Variants in HPSE2 observed in about 807,000 individuals in gnomAD.
HPSE2 encodes the protein inactive heparanase-2.
HPSE2 carries 38 observed loss-of-function variants against 60.5 expected under a neutral mutation model. That is an observed-to-expected ratio of 0.63 (90% CI 0.48 to 0.82). HPSE2 has a LOEUF of 0.82. Among genes scored for constraint, HPSE2 ranks in the 40% least tolerant of loss-of-function variants. HPSE2 has a pLI of 0.00. For missense variants in HPSE2, 713 were observed against 740.4 expected (o/e 0.96, Z 0.43); for synonymous variants, 295 against 293.2 (o/e 1.01, Z -0.06).
chr10:98,665,940 A>C (rs924372757), intron 6 of HPSE2, among the ~76,000 whole-genome samples: 2 of 152,180 alleles, frequency 1.3e-5, no homozygotes, highest in Non-Finnish European at 2.9e-5. Context: ...ATAAATACTA[A>C]CCCTGAATGT....
At chr10:99,160,848 G>A (rs1020624213) in intron 2 of HPSE2, among the ~76,000 whole-genome samples, 5 of 131,410 alleles carry the variant, frequency 3.8e-5, no homozygotes, top group Admixed American at 9.2e-5. Context: ...GCAGTGAGCC[G>A]AGATCCCGCC....
intron 3 of HPSE2, among the ~76,000 whole-genome samples, chr10:98,792,770 C>T (rs987044411): frequency 6.6e-6 from 1 of 152,076 alleles, no homozygotes; most frequent in African/African-American, 2.4e-5. Context: ...CTTGCATTAG[C>T]AAGTACACCA....
chr10:98,749,426 A>T (rs117745446), intron 3 of HPSE2, among the ~76,000 whole-genome samples: 3,719 of 151,788 alleles, frequency 0.025, 59 homozygotes, highest in Non-Finnish European at 0.034. Context: ...ATGCATATAT[A>T]TATCTGTTCT....
chr10:98,898,635 T>A (rs1953568274), intron 3 of HPSE2, among the ~76,000 whole-genome samples: 1 of 152,074 alleles, frequency 6.6e-6, no homozygotes, highest in South Asian at 2.1e-4. Context: ...ATTCTGTATA[T>A]TATAGCAGTA....
At chr10:98,612,997 G>A (rs953454429) in intron 9 of HPSE2, among the ~76,000 whole-genome samples, 2 of 152,050 alleles carry the variant, frequency 1.3e-5, no homozygotes, top group Admixed American at 1.3e-4. Flanking sequence ...TTCCTGCCTC[G>A]GAGCTTTTGT....
intron 2 of HPSE2, among the ~76,000 whole-genome samples, chr10:99,216,415 G>A (rs574016217): frequency 1.7e-4 from 26 of 152,032 alleles, no homozygotes; most frequent in African/African-American, 6.0e-4. Flanking sequence ...GGCTTGTCTC[G>A]AACTCTTGAC....
At chr10:98,888,595 G>A (rs973748643) in intron 3 of HPSE2, among the ~76,000 whole-genome samples, 1 of 152,134 alleles carries the variant, frequency 6.6e-6, no homozygotes, top group African/African-American at 2.4e-5. Flanking sequence ...TTTAGGGATT[G>A]TATAAGTGAA....
At chr10:99,115,155 G>GTTT (rs577271484) in intron 3 of HPSE2, among the ~76,000 whole-genome samples, 10 of 130,680 alleles carry the variant, frequency 7.7e-5, no homozygotes, top group South Asian at 2.5e-4. Flanking sequence ...AGCTAAATGT[G>GTTT]TTTTTTTTTT....
chr10:99,110,157 AG>A (rs1564815054), intron 3 of HPSE2, among the ~76,000 whole-genome samples: 1 of 152,138 alleles, frequency 6.6e-6, no homozygotes, highest in Non-Finnish European at 1.5e-5. Flanking sequence ...TAAAAGAAAA[AG>A]ACATGCTCTA....
At chr10:99,201,898 C>T (rs1848587140) in intron 2 of HPSE2, among the ~76,000 whole-genome samples, 1 of 152,106 alleles carries the variant, frequency 6.6e-6, no homozygotes, top group African/African-American at 2.4e-5. Context: ...AGAAGATGAA[C>T]ACGACGCCAT....
intron 3 of HPSE2, among the ~76,000 whole-genome samples, chr10:99,062,868 C>A (rs1842494250): frequency 6.6e-6 from 1 of 152,154 alleles, no homozygotes; most frequent in African/African-American, 2.4e-5. Context: ...ATTAGTCCTG[C>A]TTTAGGCACA....
chr10:99,150,855 A>G (rs879528755), intron 2 of HPSE2, among the ~76,000 whole-genome samples: 2 of 152,206 alleles, frequency 1.3e-5, no homozygotes, highest in Non-Finnish European at 2.9e-5. Context: ...AAAATGCCAC[A>G]AAACTTAATG....
At chr10:98,611,096 G>C (rs912330060) in intron 9 of HPSE2, among the ~76,000 whole-genome samples, 1 of 152,210 alleles carries the variant, frequency 6.6e-6, no homozygotes, top group Admixed American at 6.5e-5. Flanking sequence ...AGTGTTGGGG[G>C]GGGCCAGGGG....
chr10:98,687,012 TA>T (rs1947934633), intron 6 of HPSE2, among the ~76,000 whole-genome samples: 1 of 152,210 alleles, frequency 6.6e-6, no homozygotes, highest in African/African-American at 2.4e-5. Context: ...GAAGTGTTTC[TA>T]AATTTCCAAC....
intron 6 of HPSE2, among the ~76,000 whole-genome samples, chr10:98,688,900 T>C (rs933720987): frequency 2.0e-4 from 30 of 152,282 alleles, no homozygotes; most frequent in African/African-American, 7.0e-4. Context: ...ATTTTTTTTT[T>C]CTTTATCATT....
chr10:99,031,417 G>C (rs1461124815), intron 3 of HPSE2, among the ~76,000 whole-genome samples: 1 of 152,012 alleles, frequency 6.6e-6, no homozygotes, highest in Non-Finnish European at 1.5e-5. Flanking sequence ...ATTTTTACTA[G>C]GTCCTAGAGG....
At chr10:98,692,496 C>T (rs941632518) in intron 6 of HPSE2, among the ~76,000 whole-genome samples, 5 of 151,954 alleles carry the variant, frequency 3.3e-5, no homozygotes, top group Admixed American at 1.3e-4. Flanking sequence ...AGGCCGGGCG[C>T]GGTGGCTCAC....
At chr10:99,313,259 G>A in the HPSE2 span, among the ~76,000 whole-genome samples, 1 of 152,148 alleles carries the variant, frequency 6.6e-6, no homozygotes. Flanking sequence ...CACATAAACA[G>A]GAATTTAGAA....
intron 3 of HPSE2, among the ~76,000 whole-genome samples, chr10:99,125,967 T>C (rs937971799): frequency 6.6e-5 from 10 of 152,188 alleles, no homozygotes; most frequent in Non-Finnish European, 1.2e-4. Context: ...TGAATTTTCA[T>C]GAGCAGAATC....
Sources: gnomAD v4.1 joint callset for allele counts (sites outside exome capture counted in the v4.1 genomes callset) on GRCh38, gnomAD v4.1.1 for gene constraint, MANE v1.5 for transcripts, NCBI Gene and HGNC (gene_info 2026-07-23, HGNC 2026-07-21) for gene names.